The following YBX2 variants were observed in gnomAD, a reference collection of about 807,000 sequenced individuals.
YBX2 encodes the protein Y-box binding protein 2.
Under a neutral mutation model 44.4 loss-of-function variants are expected in YBX2, and 5 were observed. The observed-to-expected ratio is 0.11, with a 90% CI of 0.06 to 0.24. YBX2 has a LOEUF of 0.24. Among genes scored for constraint, YBX2 ranks in the 10% least tolerant of loss-of-function variants. The pLI is 1.00. For synonymous variants in YBX2, 188 were observed against 216.1 expected (o/e 0.87, Z 1.14); for missense variants, 417 against 526.9 (o/e 0.79, Z 2.04).
rs1597602299 is a variant in YBX2, at chr17:7,288,670, T to C, written c.*40-27A>G. ...TGAGAGAGAAAAGGAAATGGACGGATTGTGAACAACAGCGACTTGTCATCG... is the reference window on the plus strand; with the variant it reads ...TGAGAGAGAAAAGGAAATGGACGGACTGTGAACAACAGCGACTTGTCATCG... On this transcript the variant is annotated intron_variant, in intron 8 of 8. Transcript: ENST00000007699. 24 of 1,219,160 alleles carry C rather than the reference T, an allele frequency of 2.0e-5. No homozygotes were observed. The East Asian group carries it at 5.7e-4, about 29-fold the overall frequency. 75.5% of individuals were successfully genotyped at this position (1,219,160 alleles called of 1,614,324 possible).
chr17:7,294,501 C>T lies in YBX2; in HGVS notation c.-1G>A, dbSNP rs1437763888. 1.4e-6 allele frequency: 2 copies of T among 1,468,266 alleles called. No homozygotes were observed. The highest frequency in any genetic ancestry group is 1.8e-6 in the Non-Finnish European group (2 of 1,111,836). The allele number at this position is 1,468,266 out of a possible 1,614,324, so 91.0% of individuals were successfully genotyped here. A position where few individuals can be genotyped will look rare whatever the true frequency, so the allele number is the denominator to read the frequency against. On this transcript the variant is annotated 5_prime_UTR_variant, in exon 1 of 9. Coordinates refer to ENST00000007699, the MANE Select transcript of YBX2 (RefSeq NM_015982.4). The surrounding 1 kb of genome is among the most constrained non-coding windows in gnomAD (Gnocchi z 4.6). ...CCGCTGCCGCCTCCACCTCGCTCATCCCGCCGGGTCCAGTACCGGCCACAG... is the reference window on the plus strand; with the variant it reads ...CCGCTGCCGCCTCCACCTCGCTCATTCCGCCGGGTCCAGTACCGGCCACAG...
At chr17:7,289,898 T>C (rs2072487118) in intron 6 of YBX2, 70 bp downstream of exon 6, 1 of 1,600,190 alleles carries the variant, frequency 6.2e-7, no homozygotes, top group African/African-American at 1.3e-5. Context: ...CACCCTTCCA[T>C]CCTCCTGTCC....
At position 7,290,083 on chromosome 17, in the gene YBX2, C is replaced by T. The variant is rs746778102; in HGVS notation, c.745-12G>A. 6 of 1,614,022 alleles carry T rather than the reference C, an allele frequency of 3.7e-6. No homozygotes were observed. Among genetic ancestry groups the T allele is most frequent in the Non-Finnish European group, 5.1e-6 (6 of 1,179,932 alleles). ...ACCCTGTCAGTGCCCTGGGAACATG[C>T]AAAGGCCCCGGTGAGCTGTGGGGAC... On this transcript the variant is annotated splice_polypyrimidine_tract_variant and intron_variant, in intron 5 of 8. Coordinates refer to ENST00000007699, the MANE Select transcript of YBX2 (RefSeq NM_015982.4).
Position 7,292,088 on chromosome 17 carries a change from G to A in YBX2, c.336-29C>T. On this transcript the variant is annotated intron_variant, in intron 2 of 8. Transcript: ENST00000007699. ...CAGAACAGGATGGGTCGTTAAGGAA[G>A]GGACTTCAACAAAGCCCTCAGCTCC... 4 of 1,614,002 alleles carry A rather than the reference G, an allele frequency of 2.5e-6. No homozygotes were observed. In the South Asian group the frequency reaches 4.4e-5, roughly 18 times the overall value.
rs2072525176 is a variant in YBX2 at position 7,294,409 on chromosome 17, G to C, written c.92C>G (p.Pro31Arg). 3 of 1,454,394 alleles carry C rather than the reference G, an allele frequency of 2.1e-6. No individual in the cohort carries two copies. The highest frequency in any genetic ancestry group is 1.3e-5 in the South Asian group (1 of 77,184). 90.1% of individuals were successfully genotyped at this position (1,454,394 alleles called of 1,614,324 possible). A position where few individuals can be genotyped will look rare whatever the true frequency, so the allele number is the denominator to read the frequency against. ...TTTCTGCGGCTCCCCTGCGGGCACC[G>C]GTACCACCACCGCTACCACCCCTGC... ...TAAGVVAVVV[P>R]VPAGEPQKGG... Residue 31 changes from proline (P) to arginine (R), a missense_variant, in exon 1 of 9, where the codon CCG becomes CGG. Coordinates refer to ENST00000007699, the MANE Select transcript of YBX2 (RefSeq NM_015982.4). The surrounding 1 kb of genome is among the most constrained non-coding windows in gnomAD (Gnocchi z 4.6).
chr17:7,294,456 C>G lies in YBX2; in HGVS notation c.45G>C (p.Ala15=), dbSNP rs1453404441. 5 of 1,475,804 alleles carry G rather than the reference C, an allele frequency of 3.4e-6. No homozygotes were observed. In the South Asian group the frequency reaches 6.3e-5, roughly 19 times the overall value. 91.4% of individuals were successfully genotyped at this position (1,475,804 alleles called of 1,614,324 possible). A position where few individuals can be genotyped will look rare whatever the true frequency, so the allele number is the denominator to read the frequency against. Residue 15 remains alanine (A), a synonymous_variant, in exon 1 of 9, where the codon GCG becomes GCC. Transcript: ENST00000007699. The surrounding 1 kb of genome is among the most constrained non-coding windows in gnomAD (Gnocchi z 4.6). ...CTGCCGCCGTCGCGGGCACCGTCGC[C>G]GCGGGGACCGCTGTAGCCCCCGCTG... ...EAAAGATAVP[A]ATVPATAAGV... is the part of the protein sequence containing the mutation.
At chr17:7,289,237 C>A (rs908082522) in intron 7 of YBX2, among the ~76,000 whole-genome samples, 2 of 151,942 alleles carry the variant, frequency 1.3e-5, no homozygotes, top group African/African-American at 4.8e-5. Flanking sequence ...CAATCACACC[C>A]CTCAGTTCAC....
At chr17:7,292,612 G>T in intron 2 of YBX2, 1 of 162,806 alleles carries the variant, frequency 6.1e-6, no homozygotes. Context: ...CCAGAGTCAG[G>T]ACCACTCTCA....
rs2143006056 is a variant in YBX2, at chr17:7,294,639, C to T, written c.-139G>A. 2.0e-6 allele frequency: 2 copies of T among 1,018,142 alleles called. No individual in the cohort carries two copies. The highest frequency in any genetic ancestry group is 4.5e-5 in the South Asian group (1 of 22,224). The allele number at this position is 1,018,142 out of a possible 1,614,324, so 63.1% of individuals were successfully genotyped here. On this transcript the variant is annotated 5_prime_UTR_variant, in exon 1 of 9. Coordinates refer to ENST00000007699, the MANE Select transcript of YBX2 (RefSeq NM_015982.4). The surrounding 1 kb of genome is among the most constrained non-coding windows in gnomAD (Gnocchi z 4.6). ...GCGGGCCCGGAGCCGAGGCCAATGG[C>T]AGCCCGCTGCCGCCGCTCGCGCAGA...
rs1258803615 is a variant in YBX2 at position 7,294,170 on chromosome 17, A to G, written c.271+60T>C. The G allele has an allele frequency of 8.1e-7, 1 of 1,234,834 alleles. No individual in the cohort carries two copies. Among genetic ancestry groups the G allele is most frequent in the East Asian group, 3.2e-5 (1 of 30,770 alleles). 76.5% of individuals were successfully genotyped at this position (1,234,834 alleles called of 1,614,324 possible). A position where few individuals can be genotyped will look rare whatever the true frequency, so the allele number is the denominator to read the frequency against. On this transcript the variant is annotated intron_variant, in intron 1 of 8. Coordinates refer to ENST00000007699, the MANE Select transcript of YBX2 (RefSeq NM_015982.4). This position sits in a 1 kb window ranked among gnomAD's most constrained non-coding sequence, Gnocchi z 4.6. ...TTTTCCGGATCCTGCCGGGCTCCAC[A>G]CTGCCCCTCCCCCAGCCCGCCGACC...
Position 7,289,572 on chromosome 17 carries a change from G to T in YBX2, c.1002C>A (p.Gly334=). The T allele has an allele frequency of 6.2e-7, 1 of 1,610,592 alleles. No homozygotes were observed. The highest frequency in any genetic ancestry group is 2.2e-5 in the East Asian group (1 of 44,858). Residue 334 remains glycine (G), a synonymous_variant, in exon 7 of 9, where the codon GGC becomes GGA. Coordinates refer to ENST00000007699, the MANE Select transcript of YBX2 (RefSeq NM_015982.4). ...YFQRRRQQAP[G]PQQAPGPRQP... is the part of the protein sequence containing the mutation. ...GCCGGGGGCCAGGGGCCTGCTGGGG[G>T]CCAGGGGCCTGCTGCCGTCTCCGCT...
Position 7,294,262 on chromosome 17 carries a change from G to C in YBX2, c.239C>G (p.Pro80Arg). Residue 80 changes from proline to arginine, a missense_variant, in exon 1 of 9, where the codon CCG (proline) becomes CGG (arginine). By Grantham distance (103) the Pro-to-Arg change is moderately radical. Transcript: ENST00000007699. This position sits in a 1 kb window ranked among gnomAD's most constrained non-coding sequence, Gnocchi z 4.6. The part of the protein sequence containing the change: ...ATAVSGTPAP[P>R]ARSQADKPVL... Reference sequence around the variant, plus strand: ...CGGCTTGTCCGCCTGACTCCGGGCCGGGGGGGCGGGGGTTCCCGAGACCGC... The same window carrying C: ...CGGCTTGTCCGCCTGACTCCGGGCCCGGGGGGCGGGGGTTCCCGAGACCGC... 3 of 1,269,536 alleles carry C rather than the reference G, an allele frequency of 2.4e-6. No homozygotes were observed. The highest frequency in any genetic ancestry group is 2.0e-6 in the Non-Finnish European group (2 of 1,013,496). 78.6% of individuals were successfully genotyped at this position (1,269,536 alleles called of 1,614,324 possible).
Position 7,291,202 on chromosome 17 carries a change from T to G in YBX2, c.370-20A>C, listed in dbSNP as rs201717309. 1.9e-6 allele frequency: 3 copies of G among 1,612,992 alleles called. No individual in the cohort carries two copies. ...AGCTGTCTGATTGGGGAAAAGGCCA[T>G]GTGAAAAGTGAGACAGCAAGACAGG... is the stretch of plus-strand genomic sequence containing the variant. On this transcript the variant is annotated intron_variant, in intron 3 of 8. Coordinates refer to ENST00000007699, the MANE Select transcript of YBX2 (RefSeq NM_015982.4). This position sits in a 1 kb window ranked among gnomAD's most constrained non-coding sequence, Gnocchi z 5.8.
At chr17:7,293,801 C>T in intron 1 of YBX2, 1 of 639,874 alleles carries the variant, frequency 1.6e-6, no homozygotes, top group Non-Finnish European at 2.6e-6. Flanking sequence ...ACAAATCCAG[C>T]CCCTTCACCT....
intron 2 of YBX2, 151 bp downstream of exon 2, chr17:7,293,324 T>G: frequency 8.0e-6 from 11 of 1,383,068 alleles, no homozygotes; most frequent in African/African-American, 1.4e-5. Context: ...GAAGCACACA[T>G]TTGTGCTGCG....
Position 7,291,352 on chromosome 17 carries a change from C to A in YBX2, c.370-170G>T. The A allele has an allele frequency of 1.5e-6, 1 of 682,850 alleles. No homozygotes were observed. Among genetic ancestry groups the A allele is most frequent in the Admixed American group, 2.1e-5 (1 of 47,312 alleles). 42.3% of individuals were successfully genotyped at this position (682,850 alleles called of 1,614,324 possible). On this transcript the variant is annotated intron_variant, in intron 3 of 8. Coordinates refer to ENST00000007699, the MANE Select transcript of YBX2 (RefSeq NM_015982.4). The surrounding 1 kb of genome is among the most constrained non-coding windows in gnomAD (Gnocchi z 5.8). ...TTTAGCAGGGGAAAAGTCCTGAACT[C>A]AGGGCCTCAGCAGATTGTGCAGTTA...
chr17:7,293,295 G>A (rs2072515030), intron 2 of YBX2, 180 bp downstream of exon 2: 6 of 1,112,266 alleles, frequency 5.4e-6, no homozygotes, highest in African/African-American at 4.7e-5. Flanking sequence ...AAGATGCGGA[G>A]GAGGCTTCCT....
intron 1 of YBX2, 62 bp from the exon 2 acceptor site, chr17:7,293,600 T>C: frequency 1.2e-6 from 2 of 1,612,802 alleles, no homozygotes; most frequent in African/African-American, 1.3e-5. Flanking sequence ...TTGAACTCAG[T>C]TTTGAGACAC....
Position 7,290,143 on chromosome 17 carries a change from T to C in YBX2, c.745-72A>G, listed in dbSNP as rs2072490218. 8.1e-6 allele frequency: 13 copies of C among 1,611,220 alleles called. No homozygotes were observed. The South Asian group carries it at 1.3e-4, about 16-fold the overall frequency. The stretch of plus-strand genomic sequence containing the variant: ...TCTGGAGCCAGATTATCCACAGCTC[T>C]GCCCAACCCTCAGTTCCTCCTTCTT... On this transcript the variant is annotated intron_variant, in intron 5 of 8. Coordinates refer to ENST00000007699, the MANE Select transcript of YBX2 (RefSeq NM_015982.4).
Sources: gnomAD v4.1 joint callset for allele counts (sites outside exome capture counted in the v4.1 genomes callset) on GRCh38, gnomAD v4.1.1 for gene constraint, Gnocchi (gnomAD v3.1) non-coding constraint, MANE v1.5 for transcripts, NCBI Gene and HGNC (gene_info 2026-07-23, HGNC 2026-07-21) for gene names.